FUT8: variants seen among roughly 807,000 people sequenced by gnomAD.
FUT8 encodes fucosyltransferase 8, also known as alpha-(1,6)-fucosyltransferase.
Under a neutral mutation model 71.3 loss-of-function variants are expected in FUT8, and 29 were observed. That is an observed-to-expected ratio of 0.41 (90% CI 0.30 to 0.55). The LOEUF (loss-of-function observed/expected upper bound fraction) is 0.55, where lower values mean the gene tolerates loss of function less well. Among genes scored for constraint, FUT8 ranks in the 20% least tolerant of loss-of-function variants. The pLI is 0.34. For synonymous variants in FUT8, 254 were observed against 239.3 expected (o/e 1.06, Z -0.57); for missense variants, 544 against 702.1 (o/e 0.77, Z 2.55).
At chr14:65,394,785 C>G in the FUT8 span, among the ~76,000 whole-genome samples, 2 of 145,774 alleles carry the variant, frequency 1.4e-5, no homozygotes, top group East Asian at 2.0e-4. Flanking sequence ...GAGTCTTGCT[C>G]TGTTGCCCAG....
chr14:65,695,467 A>G (rs963596519), intron 7 of FUT8, among the ~76,000 whole-genome samples: 12 of 152,014 alleles, frequency 7.9e-5, no homozygotes, highest in Admixed American at 5.9e-4. Context: ...AAACTTTTTT[A>G]TTCAATATTA....
chr14:65,702,259 C>T (rs144565477), intron 7 of FUT8, among the ~76,000 whole-genome samples: 1,830 of 151,264 alleles, frequency 0.012, 14 homozygotes, highest in Middle Eastern at 0.024. Flanking sequence ...GCAGGAGAAT[C>T]GCTTGAACCC....
upstream of FUT8, among the ~76,000 whole-genome samples, chr14:65,406,434 C>T (rs1174810929): frequency 6.6e-6 from 1 of 152,220 alleles, no homozygotes; most frequent in African/African-American, 2.4e-5. Context: ...AGCTTTATTG[C>T]AAGTCAACCG....
At chr14:65,682,678 C>T (rs1893094536) in intron 7 of FUT8, among the ~76,000 whole-genome samples, 1 of 152,132 alleles carries the variant, frequency 6.6e-6, no homozygotes, top group South Asian at 2.1e-4. Context: ...AATACTTGCC[C>T]ATGACATGCC....
chr14:65,537,679 A>C (rs955019409), intron 2 of FUT8, among the ~76,000 whole-genome samples: 1 of 152,006 alleles, frequency 6.6e-6, no homozygotes, highest in African/African-American at 2.4e-5. Flanking sequence ...GAGCCACTGC[A>C]CCTGGCCGAG....
At chr14:65,543,265 C>A (rs1884787631) in intron 2 of FUT8, among the ~76,000 whole-genome samples, 2 of 152,142 alleles carry the variant, frequency 1.3e-5, no homozygotes, top group Admixed American at 6.5e-5. Flanking sequence ...AATGAGTAAA[C>A]ATATGAAAAT....
At chr14:65,424,703 C>T (rs2065356868) in intron 1 of FUT8, among the ~76,000 whole-genome samples, 1 of 151,970 alleles carries the variant, frequency 6.6e-6, no homozygotes, top group Admixed American at 6.5e-5. Context: ...CTCTGTCACT[C>T]AGGCTGGAAT....
In FUT8 at chr14:65,574,465, G is replaced by A. The variant is rs1488476742; in HGVS notation, c.203+12699G>A. On this transcript the variant is annotated intron_variant, in intron 3 of 10. Coordinates refer to ENST00000673929, the MANE Select transcript of FUT8 (RefSeq NM_001371533.1). This position sits in a 1 kb window ranked among gnomAD's most constrained non-coding sequence, Gnocchi z 5.2. ...GTTTTTAACATGTTTTATTGTGCTC[G>A]ATAATAACATCAAAGTTTTCATTGT... 6.6e-6 allele frequency among the ~76,000 whole-genome samples: 1 copy of A among 152,046 alleles called. No individual in the cohort carries two copies. Among genetic ancestry groups the A allele is most frequent in the Non-Finnish European group, 1.5e-5 (1 of 68,018 alleles).
chr14:65,718,237 A>T (rs1444527574), intron 7 of FUT8, among the ~76,000 whole-genome samples: 1 of 151,684 alleles, frequency 6.6e-6, no homozygotes, highest in East Asian at 1.9e-4. Context: ...TATTCATTGT[A>T]TGTTTTTTGA....
intron 2 of FUT8, among the ~76,000 whole-genome samples, chr14:65,499,305 C>G (rs1441253451): frequency 6.6e-6 from 1 of 152,060 alleles, no homozygotes; most frequent in Admixed American, 6.6e-5. Flanking sequence ...TACTTTCATT[C>G]TGAATGATTT....
chr14:65,409,390 C>T (rs1566728403), upstream of FUT8, among the ~76,000 whole-genome samples: 1 of 152,148 alleles, frequency 6.6e-6, no homozygotes, highest in Non-Finnish European at 1.5e-5. This position sits in a 1 kb window ranked among gnomAD's most constrained non-coding sequence, Gnocchi z 5.4. Flanking sequence ...GCTGGAACTC[C>T]ACAGATCTCC....
intron 2 of FUT8, among the ~76,000 whole-genome samples, chr14:65,548,446 A>G (rs1020934986): frequency 8.6e-5 from 13 of 151,896 alleles, no homozygotes; most frequent in South Asian, 8.3e-4. Flanking sequence ...TTTGTTTTCT[A>G]TGTATCATGT....
chr14:65,504,671 T>C (rs1188899818), intron 2 of FUT8, among the ~76,000 whole-genome samples: 1 of 152,356 alleles, frequency 6.6e-6, no homozygotes, highest in Admixed American at 6.5e-5. Context: ...TGCCTCAGCC[T>C]CCTGAATAGC....
chr14:65,480,124 G>T (rs2066307061), intron 2 of FUT8, among the ~76,000 whole-genome samples: 1 of 151,850 alleles, frequency 6.6e-6, no homozygotes, highest in Non-Finnish European at 1.5e-5. Flanking sequence ...TAATAATAGG[G>T]ATTCTTTATC....
At chr14:65,539,966 G>T (rs1884580779) in intron 2 of FUT8, among the ~76,000 whole-genome samples, 1 of 152,174 alleles carries the variant, frequency 6.6e-6, no homozygotes, top group Non-Finnish European at 1.5e-5. Flanking sequence ...CCCAGATCAT[G>T]TGCAAGATAT....
chr14:65,591,992 A>G (rs1887716165), intron 3 of FUT8, among the ~76,000 whole-genome samples: 1 of 152,134 alleles, frequency 6.6e-6, no homozygotes, highest in Non-Finnish European at 1.5e-5. Context: ...AGATACTTAA[A>G]AAAAACTGGG....
chr14:65,468,742 T>C (rs564938828), intron 2 of FUT8, among the ~76,000 whole-genome samples: 8 of 152,140 alleles, frequency 5.3e-5, no homozygotes, highest in Non-Finnish European at 1.0e-4. Flanking sequence ...TACAGTGTTA[T>C]TGATTTGTAC....
chr14:65,510,963 C>T (rs1472595020), intron 2 of FUT8, among the ~76,000 whole-genome samples: 1 of 152,002 alleles, frequency 6.6e-6, no homozygotes, highest in Non-Finnish European at 1.5e-5. Context: ...TTGTTTTCCT[C>T]TTGCTTTTTT....
chr14:65,380,426 T>G, the FUT8 span, among the ~76,000 whole-genome samples: 67,497 of 151,970 alleles, frequency 0.44, 17,532 homozygotes, highest in Non-Finnish European at 0.59. Flanking sequence ...AAAACCATAG[T>G]AGAAGGTTAG....
Sources: gnomAD v4.1 joint callset for allele counts (sites outside exome capture counted in the v4.1 genomes callset) on GRCh38, gnomAD v4.1.1 for gene constraint, Gnocchi (gnomAD v3.1) non-coding constraint, MANE v1.5 for transcripts, NCBI Gene and HGNC (gene_info 2026-07-23, HGNC 2026-07-21) for gene names.